Variants in AOPEP observed in about 807,000 individuals in gnomAD.
AOPEP encodes the protein aminopeptidase O (putative).
AOPEP carries 77 observed loss-of-function variants against 98.1 expected under a neutral mutation model. The ratio of observed to expected loss-of-function variants is 0.78; its 90% CI spans 0.65 to 0.95. The LOEUF (loss-of-function observed/expected upper bound fraction) is 0.95, where lower values mean the gene tolerates loss of function less well. Ranked by LOEUF, AOPEP falls within the 40% of genes least tolerant of loss-of-function variation. The pLI is 0.00. For missense variants in AOPEP, 1,024 were observed against 1,024.7 expected (o/e 1.00, Z 0.01); for synonymous variants, 346 against 365.3 (o/e 0.95, Z 0.60).
At chr9:95,013,406 C>CTTT (rs11453647) in intron 13 of AOPEP, among the ~76,000 whole-genome samples, 11 of 140,430 alleles carry the variant, frequency 7.8e-5, no homozygotes, top group Admixed American at 2.2e-4. Context: ...AAATATTATC[C>CTTT]TTTTTTTTTT....
intron 7 of AOPEP, among the ~76,000 whole-genome samples, chr9:94,936,226 T>C (rs998445699): frequency 1.3e-5 from 2 of 152,008 alleles, no homozygotes; most frequent in Admixed American, 6.6e-5. Flanking sequence ...TCCAAAAGCT[T>C]CCCCTCACCT....
At chr9:94,975,197 A>T (rs2059766858) in intron 10 of AOPEP, among the ~76,000 whole-genome samples, 1 of 152,134 alleles carries the variant, frequency 6.6e-6, no homozygotes, top group Non-Finnish European at 1.5e-5. Flanking sequence ...AGATTGAACC[A>T]CTGCACTCCA....
chr9:95,000,767 T>C (rs1407736108), intron 11 of AOPEP, among the ~76,000 whole-genome samples: 1 of 152,212 alleles, frequency 6.6e-6, no homozygotes, highest in Non-Finnish European at 1.5e-5. Context: ...ATTTTGCTCC[T>C]AATCCCTCTG....
intron 13 of AOPEP, among the ~76,000 whole-genome samples, chr9:95,009,244 A>T (rs967570365): frequency 1.3e-5 from 2 of 150,832 alleles, no homozygotes; most frequent in Admixed American, 6.6e-5. Context: ...TGATTCAAAG[A>T]TAAAATTGTG....
intron 5 of AOPEP, among the ~76,000 whole-genome samples, chr9:94,822,666 C>T (rs1208335463): frequency 6.6e-6 from 1 of 152,086 alleles, no homozygotes; most frequent in Non-Finnish European, 1.5e-5. Context: ...CTTCATTGCT[C>T]GGAAATTAAG....
intron 13 of AOPEP, among the ~76,000 whole-genome samples, chr9:95,022,591 G>A (rs2063541750): frequency 6.6e-6 from 1 of 151,788 alleles, no homozygotes; most frequent in Non-Finnish European, 1.5e-5. Context: ...CGCCCGCCTT[G>A]GCCTCCCAAA....
At chr9:94,884,602 G>A (rs1308909200) in intron 5 of AOPEP, among the ~76,000 whole-genome samples, 1 of 152,206 alleles carries the variant, frequency 6.6e-6, no homozygotes, top group Non-Finnish European at 1.5e-5. Flanking sequence ...TGTGATAGAA[G>A]TTACGTAACC....
At chr9:95,149,774 T>C in the AOPEP span, 9 of 940,330 alleles carry the variant, frequency 9.6e-6, no homozygotes, top group Non-Finnish European at 1.5e-5. Flanking sequence ...CCACCACACC[T>C]GGCCGGGATA....
chr9:94,840,471 C>T (rs1248921737), intron 5 of AOPEP, among the ~76,000 whole-genome samples: 1 of 152,152 alleles, frequency 6.6e-6, no homozygotes, highest in Non-Finnish European at 1.5e-5. Context: ...TTCCTGTACT[C>T]TTGACTGGTG....
intron 5 of AOPEP, among the ~76,000 whole-genome samples, chr9:94,843,133 A>G (rs933771516): frequency 1.3e-5 from 2 of 152,144 alleles, no homozygotes; most frequent in African/African-American, 4.8e-5. Flanking sequence ...CAAATATTAG[A>G]CCTTTTAGTA....
At chr9:94,937,196 G>A (rs1216349530) in intron 7 of AOPEP, among the ~76,000 whole-genome samples, 1 of 152,184 alleles carries the variant, frequency 6.6e-6, no homozygotes, top group East Asian at 1.9e-4. Context: ...CTACCTAGGG[G>A]CTGCTAGCCA....
At position 94,881,090 on chromosome 9, in the gene AOPEP, A is replaced by G. The variant is rs573879125; in HGVS notation, c.1365-42896A>G. Among the ~76,000 whole-genome samples the G allele has an allele frequency of 5.2e-4, 79 of 152,316 alleles. 2 individuals carry two copies. The highest frequency in any genetic ancestry group is 4.6e-3 in the Admixed American group (71 of 15,308). On this transcript the variant is annotated intron_variant, in intron 5 of 16. Transcript: ENST00000375315. ...TCAGAAGGAGGCAGGAGAAAATTTC[A>G]TAAGATCATAAGATGTTAGTTTTCT...
chr9:94,727,043 G>A (rs1035194922), intron 1 of AOPEP, among the ~76,000 whole-genome samples: 1 of 152,206 alleles, frequency 6.6e-6, no homozygotes, highest in Admixed American at 6.5e-5. Context: ...GCCTCTGGGT[G>A]CCTCCTCCTT....
intron 5 of AOPEP, among the ~76,000 whole-genome samples, chr9:94,894,168 C>A (rs934202944): frequency 6.6e-6 from 1 of 151,676 alleles, no homozygotes; most frequent in African/African-American, 2.4e-5. Context: ...GGTTAGAAAA[C>A]AACAATAAAA....
At chr9:94,987,372 C>T (rs899972573) in intron 11 of AOPEP, among the ~76,000 whole-genome samples, 21 of 152,330 alleles carry the variant, frequency 1.4e-4, no homozygotes, top group East Asian at 5.8e-4. Flanking sequence ...AAGGCCCTTA[C>T]GGGCAGGGAG....
the AOPEP span, chr9:95,101,761 A>C: frequency 8.7e-6 from 14 of 1,614,146 alleles, no homozygotes; most frequent in African/African-American, 1.6e-4. Context: ...TTTCTGATCT[A>C]GGGCTTTCAA....
At chr9:95,120,763 G>A in the AOPEP span, among the ~76,000 whole-genome samples, 1 of 152,058 alleles carries the variant, frequency 6.6e-6, no homozygotes, top group East Asian at 1.9e-4. Context: ...TGACGTTTCT[G>A]CCTTTTTATT....
intron 7 of AOPEP, 105 bp from the exon 8 acceptor site, chr9:94,955,072 C>A: frequency 1.6e-6 from 1 of 618,426 alleles, no homozygotes; most frequent in Non-Finnish European, 2.8e-6. Context: ...TGAATAGAAT[C>A]AGGATGATAT....
chr9:94,739,757 C>T (rs1001716723), intron 1 of AOPEP, among the ~76,000 whole-genome samples: 6 of 152,038 alleles, frequency 3.9e-5, no homozygotes, highest in Non-Finnish European at 7.4e-5. Flanking sequence ...CTCCTTGTTA[C>T]GCTAGGCATG....
Sources: gnomAD v4.1 joint callset for allele counts (sites outside exome capture counted in the v4.1 genomes callset) on GRCh38, gnomAD v4.1.1 for gene constraint, MANE v1.5 for transcripts, NCBI Gene and HGNC (gene_info 2026-07-23, HGNC 2026-07-21) for gene names.